The following TLL1 variants were observed in gnomAD, a reference collection of about 807,000 sequenced individuals.
The protein encoded by TLL1 is tolloid like 1, also known as tolloid-like protein 1.
TLL1 carries 49 observed loss-of-function variants against 128.2 expected under a neutral mutation model. The ratio of observed to expected loss-of-function variants is 0.38; its 90% CI spans 0.30 to 0.48. The LOEUF is 0.48. Among genes scored for constraint, TLL1 ranks in the 20% least tolerant of loss-of-function variants. TLL1 has a pLI of 0.96. For synonymous variants in TLL1, 454 were observed against 418.8 expected (o/e 1.08, Z -1.03); for missense variants, 1,123 against 1,242.0 (o/e 0.90, Z 1.44).
intron 9 of TLL1, among the ~76,000 whole-genome samples, chr4:166,025,705 G>A (rs887264976): frequency 7.9e-5 from 12 of 151,940 alleles, no homozygotes; most frequent in Non-Finnish European, 1.3e-4. Context: ...TCAGAAAGAC[G>A]CTTAGAAAAA....
rs1579689303 is a variant in TLL1, at chr4:166,060,025, T to C, written c.1847-3T>C. 1 of 1,613,698 alleles carries C rather than the reference T, an allele frequency of 6.2e-7. No individual in the cohort carries two copies. The highest frequency in any genetic ancestry group is 8.5e-7 in the Non-Finnish European group (1 of 1,179,820). On this transcript the variant is annotated splice_polypyrimidine_tract_variant and splice_region_variant and intron_variant, in intron 14 of 20. Coordinates refer to ENST00000061240, the MANE Select transcript of TLL1 (RefSeq NM_012464.5). ...TATACCTTTTTCTTTTCTTTTCTTCTAGCTGCTTGTGGTGGACTTCTTACC... is the reference window on the plus strand; with the variant it reads ...TATACCTTTTTCTTTTCTTTTCTTCCAGCTGCTTGTGGTGGACTTCTTACC...
intron 18 of TLL1, among the ~76,000 whole-genome samples, chr4:166,078,696 C>G (rs1741148650): frequency 1.4e-5 from 2 of 147,900 alleles, no homozygotes; most frequent in Admixed American, 6.7e-5. Flanking sequence ...AGTGTTTAAA[C>G]AGTATAATCT....
At chr4:166,058,218 T>G (rs1038381103) in intron 14 of TLL1, among the ~76,000 whole-genome samples, 3 of 152,186 alleles carry the variant, frequency 2.0e-5, no homozygotes, top group African/African-American at 7.2e-5. Flanking sequence ...TGTCTCTATC[T>G]AGATCAGATT....
At chr4:166,004,268 T>C (rs887869699) in intron 6 of TLL1, among the ~76,000 whole-genome samples, 1 of 152,202 alleles carries the variant, frequency 6.6e-6, no homozygotes, top group Admixed American at 6.6e-5. Flanking sequence ...TGGAATTTTC[T>C]TGTAAGGTAT....
At chr4:166,056,651 C>T (rs1208232431) in intron 13 of TLL1, among the ~76,000 whole-genome samples, 1 of 152,032 alleles carries the variant, frequency 6.6e-6, no homozygotes, top group Non-Finnish European at 1.5e-5. Context: ...GTAAAATTAG[C>T]ATTGCTGAAG....
chr4:165,897,662 C>CTTTTTTTTTTTTTTTTTTTTTTTTTTTT (rs951819686), intron 1 of TLL1, among the ~76,000 whole-genome samples: 2 of 47,542 alleles, frequency 4.2e-5, no homozygotes, highest in African/African-American at 1.8e-4. Flanking sequence ...GGTAGTCCAG[C>CTTTTTTTTTTTTTTTTTTTTTTTTTTTT]TTTTTTTTTT....
chr4:165,893,249 T>C (rs1731501997), intron 1 of TLL1, among the ~76,000 whole-genome samples: 1 of 152,190 alleles, frequency 6.6e-6, no homozygotes, highest in Non-Finnish European at 1.5e-5. Flanking sequence ...ACTACATTTA[T>C]CATTGTGACT....
intron 1 of TLL1, among the ~76,000 whole-genome samples, chr4:165,953,313 G>A (rs957011010): frequency 1.2e-4 from 19 of 152,086 alleles, no homozygotes; most frequent in African/African-American, 4.3e-4. Context: ...GGAACCGTGA[G>A]GTACAGCCAG....
At chr4:165,956,439 A>T (rs1734798421) in intron 1 of TLL1, among the ~76,000 whole-genome samples, 1 of 151,974 alleles carries the variant, frequency 6.6e-6, no homozygotes, top group Non-Finnish European at 1.5e-5. Context: ...TTCCTTTCCC[A>T]AGGTATTAAT....
chr4:166,003,324 T>G, intron 5 of TLL1, 67 bp from the exon 6 acceptor site: 1 of 1,548,774 alleles, frequency 6.5e-7, no homozygotes, highest in African/African-American at 1.4e-5. Context: ...TTACAAAAAA[T>G]TCACCATATT....
rs567866693 is a variant in TLL1, at chr4:166,041,040, G to T, written c.1262-987G>T. ...AAGATAAGGAAGGAAGGAATGACAG[G>T]TATTATATTTATTTGCTGTAATTCA... is the stretch of plus-strand genomic sequence containing the variant. On this transcript the variant is annotated intron_variant, in intron 10 of 20. Transcript: ENST00000061240. Among the ~76,000 whole-genome samples, 32 of 152,216 alleles carry T rather than the reference G, an allele frequency of 2.1e-4. No homozygotes were observed. In the East Asian group the frequency reaches 4.8e-3, roughly 23 times the overall value.
At chr4:165,996,478 G>A (rs556282793) in intron 5 of TLL1, among the ~76,000 whole-genome samples, 9 of 152,092 alleles carry the variant, frequency 5.9e-5, no homozygotes, top group South Asian at 2.1e-4. Flanking sequence ...GTGTGTTGGC[G>A]CGCACCTGTA....
chr4:165,930,175 C>A (rs1421683140), intron 1 of TLL1, among the ~76,000 whole-genome samples: 1 of 152,132 alleles, frequency 6.6e-6, no homozygotes, highest in Non-Finnish European at 1.5e-5. Flanking sequence ...TGGGTGCATT[C>A]TCCCAGAAAT....
At chr4:166,021,435 T>A (rs1464501357) in intron 8 of TLL1, among the ~76,000 whole-genome samples, 1 of 136,616 alleles carries the variant, frequency 7.3e-6, no homozygotes, top group Non-Finnish European at 1.5e-5. Context: ...TTTTTGCCTT[T>A]TTTTTTTTTT....
At chr4:166,067,424 T>C (rs1740620045) in intron 16 of TLL1, among the ~76,000 whole-genome samples, 1 of 151,810 alleles carries the variant, frequency 6.6e-6, no homozygotes, top group Non-Finnish European at 1.5e-5. Context: ...ATATAAGATA[T>C]GCTTCCTTAA....
At chr4:165,962,051 C>G (rs1735133339) in intron 1 of TLL1, among the ~76,000 whole-genome samples, 1 of 151,834 alleles carries the variant, frequency 6.6e-6, no homozygotes, top group Admixed American at 6.6e-5. Context: ...AAAAAAATTG[C>G]AATAGAAACA....
chr4:165,927,240 A>G (rs1339854706), intron 1 of TLL1, among the ~76,000 whole-genome samples: 1 of 152,234 alleles, frequency 6.6e-6, no homozygotes, highest in Admixed American at 6.5e-5. Flanking sequence ...TCACTCTCTT[A>G]GTAATTTTAT....
chr4:165,932,692 T>C (rs536175559), intron 1 of TLL1, among the ~76,000 whole-genome samples: 3 of 152,240 alleles, frequency 2.0e-5, no homozygotes, highest in East Asian at 3.9e-4. Context: ...TGAAGAGATT[T>C]GGAATTTCTT....
At chr4:165,926,529 T>C (rs1178888534) in intron 1 of TLL1, among the ~76,000 whole-genome samples, 3 of 152,112 alleles carry the variant, frequency 2.0e-5, no homozygotes, top group Non-Finnish European at 4.4e-5. Context: ...TACTACTCTG[T>C]CTCAGGAAGC....
Sources: allele counts gnomAD v4.1 joint callset (sites outside exome capture counted in the v4.1 genomes callset), GRCh38; gene constraint gnomAD v4.1.1; transcripts MANE v1.5; gene names NCBI Gene and HGNC (gene_info 2026-07-23, HGNC 2026-07-21).